The following CSPG5 variants were observed in gnomAD, a reference collection of about 807,000 sequenced individuals.
CSPG5 encodes the protein acidic leucine-rich EGF-like domain-containing brain protein.
A neutral mutation model predicts 39.8 loss-of-function variants in CSPG5; 25 were observed. The observed-to-expected ratio is 0.63, with a 90% CI of 0.46 to 0.88. The LOEUF (loss-of-function observed/expected upper bound fraction) is 0.88, where lower values mean the gene tolerates loss of function less well. CSPG5 is among the 40% of genes least tolerant of loss of function. The pLI is 0.00. For missense variants in CSPG5, 627 were observed against 702.2 expected, an observed-to-expected ratio of 0.89 and a Z score of 1.21; for synonymous variants, 295 against 303.9, an observed-to-expected ratio of 0.97 and a Z score of 0.31.
intron 4 of CSPG5, among the ~76,000 whole-genome samples, chr3:47,563,475 G>A (rs975773855): frequency 1.3e-5 from 2 of 152,154 alleles, no homozygotes; most frequent in Admixed American, 1.3e-4. Context: ...ATTGCCTACA[G>A]CCCTGTGACA....
chr3:47,563,333 C>A (rs144071603), intron 4 of CSPG5, among the ~76,000 whole-genome samples: 224 of 152,282 alleles, frequency 1.5e-3, no homozygotes, highest in African/African-American at 4.4e-3. Flanking sequence ...ACAAGTGAAC[C>A]TGCTAAAAGA....
At chr3:47,573,333 C>A (rs1204684863) in intron 2 of CSPG5, among the ~76,000 whole-genome samples, 2 of 152,244 alleles carry the variant, frequency 1.3e-5, no homozygotes, top group African/African-American at 4.8e-5. Flanking sequence ...ACATGCAAAC[C>A]TATCTTGCTG....
intron 4 of CSPG5, among the ~76,000 whole-genome samples, chr3:47,565,969 A>G (rs1307225704): frequency 1.3e-5 from 2 of 152,216 alleles, no homozygotes; most frequent in African/African-American, 2.4e-5. Context: ...ACACAGACTC[A>G]GCCTAAGGCC....
In CSPG5 at chr3:47,577,931, G is replaced by C; in HGVS notation, c.98-3C>G. 1.4e-6 allele frequency: 2 copies of C among 1,422,398 alleles called. No homozygotes were observed. Among genetic ancestry groups the C allele is most frequent in the Non-Finnish European group, 1.8e-6 (2 of 1,101,124 alleles). 88.1% of individuals were successfully genotyped at this position (1,422,398 alleles called of 1,614,324 possible). A position where few individuals can be genotyped will look rare whatever the true frequency, so the allele number is the denominator to read the frequency against. On this transcript the variant is annotated splice_polypyrimidine_tract_variant and splice_region_variant and intron_variant, in intron 1 of 4. Coordinates refer to ENST00000264723, the MANE Select transcript of CSPG5 (RefSeq NM_006574.4). This position sits in a 1 kb window ranked among gnomAD's most constrained non-coding sequence, Gnocchi z 4.7. ...AACCGCGCTGCCCGCCTCACGCGCT[G>C]CGGGCGGGAGGGCAAGGGGCGGGAC... is the stretch of plus-strand genomic sequence containing the variant.
At chr3:47,573,428 G>A (rs758506575) in intron 2 of CSPG5, among the ~76,000 whole-genome samples, 7 of 152,344 alleles carry the variant, frequency 4.6e-5, no homozygotes, top group South Asian at 2.1e-4. Flanking sequence ...AAAGATGGAT[G>A]TAGATTCTTC....
In CSPG5 at chr3:47,578,322, GC is replaced by G. The variant is rs1363073912; in HGVS notation, c.97+274del. ...AGTCTCACCCTCAGGCCCCGCCCCG[GC>G]CCCGCCCCGGCCCCGCCCCCGGCCC... On this transcript the variant is annotated intron_variant, in intron 1 of 4. Coordinates refer to ENST00000264723, the MANE Select transcript of CSPG5 (RefSeq NM_006574.4). This position sits in a 1 kb window ranked among gnomAD's most constrained non-coding sequence, Gnocchi z 6.0. 7.1e-6 allele frequency among the ~76,000 whole-genome samples: 1 copy of G among 141,550 alleles called. No individual in the cohort carries two copies. Among genetic ancestry groups the G allele is most frequent in the Non-Finnish European group, 1.6e-5 (1 of 63,948 alleles). The allele number at this position is 141,550 out of a possible 152,430, so 92.9% of individuals were successfully genotyped here.
chr3:47,573,325 A>G (rs2031594190), intron 2 of CSPG5, among the ~76,000 whole-genome samples: 1 of 152,248 alleles, frequency 6.6e-6, no homozygotes, highest in Non-Finnish European at 1.5e-5. Flanking sequence ...TGCCCTGCAC[A>G]TGCAAACCTA....
intron 4 of CSPG5, among the ~76,000 whole-genome samples, 199 bp from the exon 5 acceptor site, chr3:47,562,960 C>A (rs2031144807): frequency 6.6e-6 from 1 of 152,140 alleles, no homozygotes; most frequent in South Asian, 2.1e-4. Context: ...AATGGCCAGG[C>A]AGAGAGGAAA....
chr3:47,574,148 A>T (rs1012196393), intron 2 of CSPG5, among the ~76,000 whole-genome samples: 3 of 152,220 alleles, frequency 2.0e-5, no homozygotes, highest in African/African-American at 7.2e-5. Flanking sequence ...GGACACGTGG[A>T]GAAGCCCTTG....
intron 4 of CSPG5, among the ~76,000 whole-genome samples, chr3:47,565,471 T>A (rs1452698225): frequency 6.6e-6 from 1 of 152,092 alleles, no homozygotes; most frequent in Non-Finnish European, 1.5e-5. Context: ...ACAAGGGAGC[T>A]GGATCAACAT....
In CSPG5 at chr3:47,577,487, C is replaced by A; in HGVS notation, c.539G>T (p.Gly180Val). ...CCCTTGAGGGTCGGGTGTGCTGCCC[C>A]CCAGGTTCAGCCAAACCTCCAAGGG... Reference protein sequence around the residue: ...ESPLEVWLNLGGSTPDPQGPE... With the variant: ...ESPLEVWLNLVGSTPDPQGPE... Residue 180 changes from glycine to valine, a missense_variant, in exon 2 of 5, where the codon GGG becomes GTG. Gly to Val is a moderately radical substitution (Grantham distance 109). Coordinates refer to ENST00000264723, the MANE Select transcript of CSPG5 (RefSeq NM_006574.4). The surrounding 1 kb of genome is among the most constrained non-coding windows in gnomAD (Gnocchi z 4.7). 1 of 1,613,728 alleles carries A rather than the reference C, an allele frequency of 6.2e-7. No homozygotes were observed. The highest frequency in any genetic ancestry group is 8.5e-7 in the Non-Finnish European group (1 of 1,179,914).
At chr3:47,564,469 T>A (rs924946278) in intron 4 of CSPG5, among the ~76,000 whole-genome samples, 1 of 151,928 alleles carries the variant, frequency 6.6e-6, no homozygotes, top group Non-Finnish European at 1.5e-5. Context: ...TTTAGTAGAG[T>A]TTCAAAGACT....
Position 47,562,569 on chromosome 3 carries a change from CT to C in CSPG5, c.*30del. 1 of 1,584,656 alleles carries C rather than the reference CT, an allele frequency of 6.3e-7. No homozygotes were observed. The highest frequency in any genetic ancestry group is 1.3e-5 in the African/African-American group (1 of 74,286). Reference sequence around the variant, plus strand: ...TGTTTCTTCCCCTACCCCCCACCCACTACCCCCGCTTCCTCTCTTCTTGCTC... The same window carrying C: ...TGTTTCTTCCCCTACCCCCCACCCACACCCCCGCTTCCTCTCTTCTTGCTC... On this transcript the variant is annotated 3_prime_UTR_variant, in exon 5 of 5. Transcript: ENST00000264723.
Position 47,571,347 on chromosome 3 carries a change from C to T in CSPG5, c.1382+1339G>A, listed in dbSNP as rs2031520931. ...GAAGAGGCCCTAGAATAGGGTCCTG[C>T]ACCTGGCCTCAGCTCTTGCTTCTCC... On this transcript the variant is annotated intron_variant, in intron 3 of 4. Coordinates refer to ENST00000264723, the MANE Select transcript of CSPG5 (RefSeq NM_006574.4). Among the ~76,000 whole-genome samples the T allele has an allele frequency of 3.3e-5, 5 of 152,198 alleles. No individual in the cohort carries two copies. The South Asian group carries it at 8.3e-4, about 25-fold the overall frequency.
chr3:47,566,359 C>T (rs751329351), intron 4 of CSPG5, among the ~76,000 whole-genome samples: 21 of 152,162 alleles, frequency 1.4e-4, no homozygotes, highest in Non-Finnish European at 2.1e-4. Context: ...GAGGATCTCT[C>T]ACTCTCCCCG....
intron 2 of CSPG5, among the ~76,000 whole-genome samples, chr3:47,574,934 G>C (rs1157879420): frequency 6.6e-6 from 1 of 151,996 alleles, no homozygotes; most frequent in Non-Finnish European, 1.5e-5. Flanking sequence ...GTGAGACTCC[G>C]TCTCTAAAAA....
At chr3:47,576,746 C>T (rs2031752922) in intron 2 of CSPG5, 87 bp downstream of exon 2, 13 of 1,442,430 alleles carry the variant, frequency 9.0e-6, no homozygotes, top group Admixed American at 2.4e-5. Flanking sequence ...AGGCGTGAGC[C>T]AACGCGCCCG....
At position 47,576,939 on chromosome 3, in the gene CSPG5, A is replaced by G. The variant is rs1337241539; in HGVS notation, c.1087T>C (p.Phe363Leu). The G allele has an allele frequency of 1.9e-6, 3 of 1,613,346 alleles. No individual in the cohort carries two copies. The highest frequency in any genetic ancestry group is 1.3e-5 in the African/African-American group (1 of 74,932). ...SENGTECRSG[F>L]VRHNGSCRSV... ...CGGCAGGAGCCGTTATGCCGCACAA[A>G]GCCACTGCGGCACTCAGTGCCATTT... The change falls in exon 2 of 5, where the codon TTT becomes CTT. Residue 363 changes from phenylalanine to leucine, a missense_variant. Phe to Leu is a conservative substitution (Grantham distance 22). Coordinates refer to ENST00000264723, the MANE Select transcript of CSPG5 (RefSeq NM_006574.4).
intron 2 of CSPG5, among the ~76,000 whole-genome samples, chr3:47,575,772 C>T (rs116119109): frequency 6.6e-6 from 1 of 152,044 alleles, no homozygotes; most frequent in Non-Finnish European, 1.5e-5. Flanking sequence ...CTCCTCCCGC[C>T]GAGCACAAGG....
Sources: allele counts gnomAD v4.1 joint callset (sites outside exome capture counted in the v4.1 genomes callset), GRCh38; gene constraint gnomAD v4.1.1; non-coding constraint Gnocchi (gnomAD v3.1); transcripts MANE v1.5; gene names NCBI Gene and HGNC (gene_info 2026-07-23, HGNC 2026-07-21).